KALRN: variants seen among roughly 807,000 people sequenced by gnomAD.
The protein encoded by KALRN is kalirin RhoGEF kinase, also known as kalirin.
Under a neutral mutation model 353.7 loss-of-function variants are expected in KALRN, and 70 were observed. That is an observed-to-expected ratio of 0.20 (90% CI 0.16 to 0.24). KALRN has a LOEUF of 0.24. Among genes scored for constraint, KALRN ranks in the 10% least tolerant of loss-of-function variants. KALRN has a pLI of 1.00. For missense variants in KALRN, 2,791 were observed against 3,756.7 expected, an observed-to-expected ratio of 0.74 and a Z score of 6.72; for synonymous variants, 1,391 against 1,434.8, an observed-to-expected ratio of 0.97 and a Z score of 0.69.
chr3:124,068,027 C>T (rs548032273), intron 1 of KALRN, among the ~76,000 whole-genome samples: 1 of 152,346 alleles, frequency 6.6e-6, no homozygotes, highest in East Asian at 1.9e-4. Flanking sequence ...GGTCTGATTC[C>T]TATGGGGCCC....
chr3:124,680,281 T>G (rs543969819), intron 51 of KALRN, among the ~76,000 whole-genome samples: 9 of 152,340 alleles, frequency 5.9e-5, no homozygotes, highest in African/African-American at 2.2e-4. Flanking sequence ...AACCAACGCC[T>G]GTATCAACAA....
chr3:124,671,475 C>T (rs752692384), intron 47 of KALRN, among the ~76,000 whole-genome samples, 185 bp from the exon 48 acceptor site: 3 of 152,144 alleles, frequency 2.0e-5, no homozygotes, highest in African/African-American at 4.8e-5. Flanking sequence ...CATATGGCAC[C>T]GTTTTGTTTT....
In KALRN at chr3:124,326,046, G is replaced by A; in HGVS notation, c.1159G>A (p.Ala387Thr). The A allele has an allele frequency of 6.2e-7, 1 of 1,613,790 alleles. No individual in the cohort carries two copies. The highest frequency in any genetic ancestry group is 8.5e-7 in the Non-Finnish European group (1 of 1,179,856). The change falls in exon 7 of 60, where the codon GCC (alanine) becomes ACC (threonine). Residue 387 changes from alanine (A) to threonine (T), a missense_variant. Ala to Thr is a moderately conservative substitution (Grantham distance 58). Transcript: ENST00000682506. ...CCGCCTCTCTGAGGCCGGTCATTAT[G>A]CCTCACAACAAATCAAGCAGATCTC... ...ASRLSEAGHY[A>T]SQQIKQISTQ... is the part of the protein sequence containing the mutation.
At chr3:124,144,423 AGTGG>A (rs1202388628) in intron 1 of KALRN, among the ~76,000 whole-genome samples, 1 of 151,938 alleles carries the variant, frequency 6.6e-6, no homozygotes, top group African/African-American at 2.4e-5. Context: ...GCCTGCCCAC[AGTGG>A]GCAGCTAGCA....
chr3:124,119,326 A>G (rs1028856107), intron 1 of KALRN, among the ~76,000 whole-genome samples: 2 of 152,342 alleles, frequency 1.3e-5, no homozygotes, highest in Non-Finnish European at 2.9e-5. Flanking sequence ...CTGTGAGGGG[A>G]CTGATGGTAC....
intron 54 of KALRN, 74 bp downstream of exon 54, chr3:124,696,329 G>A: frequency 6.9e-7 from 1 of 1,443,512 alleles, no homozygotes; most frequent in Non-Finnish European, 9.5e-7. Flanking sequence ...CTGCTGCCCA[G>A]GCATGATCTC....
chr3:124,172,062 T>C (rs2071917577), intron 1 of KALRN, among the ~76,000 whole-genome samples: 1 of 152,220 alleles, frequency 6.6e-6, no homozygotes, highest in Non-Finnish European at 1.5e-5. Flanking sequence ...GGTAGGTTAC[T>C]TGACTTCTTT....
At chr3:124,633,349 T>C (rs2080989458) in intron 35 of KALRN, among the ~76,000 whole-genome samples, 1 of 152,186 alleles carries the variant, frequency 6.6e-6, no homozygotes, top group South Asian at 2.1e-4. Context: ...TGGATATGTT[T>C]TGGTTGGGGA....
intron 1 of KALRN, among the ~76,000 whole-genome samples, chr3:124,177,092 G>A (rs1250534644): frequency 6.6e-6 from 1 of 152,212 alleles, no homozygotes; most frequent in Non-Finnish European, 1.5e-5. Context: ...TCTTCTTAGA[G>A]GTGGACAGGA....
intron 33 of KALRN, among the ~76,000 whole-genome samples, chr3:124,529,873 A>C (rs897401123): frequency 6.6e-6 from 1 of 152,158 alleles, no homozygotes; most frequent in Non-Finnish European, 1.5e-5. Flanking sequence ...TAAAAAAGAA[A>C]GAAACAACTG....
At chr3:124,345,311 G>GTATTTACCTT in intron 9 of KALRN, among the ~76,000 whole-genome samples, 1 of 152,300 alleles carries the variant, frequency 6.6e-6, no homozygotes, top group East Asian at 1.9e-4. Flanking sequence ...GTGACTACAA[G>GTATTTACCTT]TATTTACCTT....
intron 5 of KALRN, among the ~76,000 whole-genome samples, chr3:124,283,035 C>T (rs1405409835): frequency 6.6e-6 from 1 of 152,212 alleles, no homozygotes; most frequent in Non-Finnish European, 1.5e-5. Context: ...GAAGGGCTCC[C>T]ACAGGGAAGC....
chr3:124,115,688 C>G (rs1380607402), intron 1 of KALRN, among the ~76,000 whole-genome samples: 1 of 152,116 alleles, frequency 6.6e-6, no homozygotes, highest in Non-Finnish European at 1.5e-5. Context: ...TTCTGAATGA[C>G]CAGGGTTCCT....
At chr3:124,638,758 G>T (rs1294608559) in intron 37 of KALRN, among the ~76,000 whole-genome samples, 1 of 75,530 alleles carries the variant, frequency 1.3e-5, no homozygotes. Context: ...GGTCTCCAAT[G>T]GGGGGGTGCC....
At chr3:124,069,321 AGGAGGAGGAG>A (rs1361013213) in intron 1 of KALRN, among the ~76,000 whole-genome samples, 1 of 8,646 alleles carries the variant, frequency 1.2e-4, no homozygotes, top group African/African-American at 2.9e-4. Context: ...TAGGAGGAGG[AGGAGGAGGAG>A]GAGGAGGAGG....
chr3:124,584,777 G>C, intron 34 of KALRN: 1 of 1,568,292 alleles, frequency 6.4e-7, no homozygotes, highest in South Asian at 1.2e-5. Context: ...CTCACCCCGG[G>C]CTGGCGCCCC....
chr3:124,549,103 C>T (rs185960087), intron 33 of KALRN, among the ~76,000 whole-genome samples: 116 of 152,300 alleles, frequency 7.6e-4, no homozygotes, highest in Non-Finnish European at 1.3e-3. Flanking sequence ...AACATTTCTA[C>T]AGTAACACAG....
rs573882697 is a variant in KALRN at position 124,537,742 on chromosome 3, A to G, written c.4936-25101A>G. 5.1e-4 allele frequency among the ~76,000 whole-genome samples: 77 copies of G among 152,352 alleles called. 1 individual carries two copies. The South Asian group carries it at 0.016, about 31-fold the overall frequency. ...TTTGGCGTGCAGGATCTGTCTAGGT[A>G]GCAGATGAGTAGGAAAGACTGAGAG... On this transcript the variant is annotated intron_variant, in intron 33 of 59. Coordinates refer to ENST00000682506, the MANE Select transcript of KALRN (RefSeq NM_001388419.1).
chr3:124,374,907 C>A (rs2086370725), intron 10 of KALRN, among the ~76,000 whole-genome samples: 1 of 152,244 alleles, frequency 6.6e-6, no homozygotes, highest in Non-Finnish European at 1.5e-5. Context: ...TGCTGTCTCA[C>A]CAACTGCTTG....
Sources: allele counts gnomAD v4.1 joint callset (sites outside exome capture counted in the v4.1 genomes callset), GRCh38; gene constraint gnomAD v4.1.1; transcripts MANE v1.5; gene names NCBI Gene and HGNC (gene_info 2026-07-23, HGNC 2026-07-21).